The following SNX8 variants were observed in gnomAD, a reference collection of about 807,000 sequenced individuals.
SNX8 encodes sorting nexin 8.
In SNX8, 25 loss-of-function variants were observed where a neutral mutation model predicts 51.6. The ratio of observed to expected loss-of-function variants is 0.48; its 90% CI spans 0.35 to 0.68. SNX8 has a LOEUF of 0.68. SNX8 is among the 30% of genes least tolerant of loss of function. The pLI, the probability that SNX8 is intolerant of heterozygous loss-of-function variation, is 0.00. For synonymous variants in SNX8, 324 were observed against 277.0 expected (o/e 1.17, Z -1.68); for missense variants, 695 against 624.0 (o/e 1.11, Z -1.21).
At chr7:2,310,549 T>C (rs4721571) in intron 1 of SNX8, among the ~76,000 whole-genome samples, 59,364 of 151,962 alleles carry the variant, frequency 0.39, 13,516 homozygotes, top group African/African-American at 0.64. Context: ...AGGCAGATCA[T>C]GAGGTCAGGA....
intron 1 of SNX8, among the ~76,000 whole-genome samples, chr7:2,281,535 G>A (rs948629837): frequency 6.6e-6 from 1 of 152,102 alleles, no homozygotes; most frequent in Non-Finnish European, 1.5e-5. Flanking sequence ...GCTTTCTGCA[G>A]GAATAAACGT....
chr7:2,298,879 GA>G (rs1355086252), intron 1 of SNX8, among the ~76,000 whole-genome samples: 1 of 151,848 alleles, frequency 6.6e-6, no homozygotes, highest in Non-Finnish European at 1.5e-5. Flanking sequence ...TTTTGGTAGA[GA>G]CAGGGTTTCG....
chr7:2,253,770 C>G lies in SNX8; in HGVS notation c.*1286G>C, dbSNP rs1795102665. On this transcript the variant is annotated 3_prime_UTR_variant, in exon 11 of 11. Coordinates refer to ENST00000222990, the MANE Select transcript of SNX8 (RefSeq NM_013321.4). ...ACACACAGGAGTCCCCTCTCCATCC[C>G]ACGGCCGTGAGCTGCCCGTAGGTAC... The G allele has an allele frequency of 6.6e-6, 1 of 152,276 alleles. No individual in the cohort carries two copies. The highest frequency in any genetic ancestry group is 3.2e-3 in the Middle Eastern group (1 of 316). 9.4% of individuals were successfully genotyped at this position (152,276 alleles called of 1,614,324 possible).
At chr7:2,296,000 G>A (rs1796266309) in intron 1 of SNX8, among the ~76,000 whole-genome samples, 1 of 152,166 alleles carries the variant, frequency 6.6e-6, no homozygotes. Context: ...AGATTAACTT[G>A]AATCAGGTAA....
chr7:2,352,429 C>G (rs912573409), intron 1 of SNX8, among the ~76,000 whole-genome samples: 1 of 152,070 alleles, frequency 6.6e-6, no homozygotes, highest in African/African-American at 2.4e-5. Context: ...CACAGACACA[C>G]CACCAGACAC....
intron 2 of SNX8, among the ~76,000 whole-genome samples, chr7:2,276,811 G>T (rs1430648767): frequency 6.6e-6 from 1 of 152,220 alleles, no homozygotes; most frequent in Non-Finnish European, 1.5e-5. Context: ...CTGGTGTGGT[G>T]GCATCCGCCT....
chr7:2,293,191 G>A (rs1034800794), intron 1 of SNX8, among the ~76,000 whole-genome samples: 4 of 148,200 alleles, frequency 2.7e-5, no homozygotes, highest in African/African-American at 7.4e-5. Context: ...TCACATGAGC[G>A]CAGGTCTCCA....
At chr7:2,321,846 C>CT (rs1778520058) in intron 1 of SNX8, among the ~76,000 whole-genome samples, 1 of 151,416 alleles carries the variant, frequency 6.6e-6, no homozygotes, top group Non-Finnish European at 1.5e-5. Flanking sequence ...GCCTCAGCCT[C>CT]CCGAGTAGCT....
chr7:2,328,954 C>T (rs1274447563), intron 1 of SNX8, among the ~76,000 whole-genome samples: 12 of 152,138 alleles, frequency 7.9e-5, no homozygotes, highest in African/African-American at 2.9e-4. Flanking sequence ...GGCGTGTTGG[C>T]GGGTGCCTGT....
At position 2,296,761 on chromosome 7, in the gene SNX8, T is replaced by C. The variant is rs954054800; in HGVS notation, c.94+17567A>G. ...GCCTAGCCAACATGGTTAAACCCCATCTCTACAAAAATACAAAAATTAGCC... is the reference window on the plus strand; with the variant it reads ...GCCTAGCCAACATGGTTAAACCCCACCTCTACAAAAATACAAAAATTAGCC... On this transcript the variant is annotated intron_variant, in intron 1 of 10. Coordinates refer to ENST00000222990, the MANE Select transcript of SNX8 (RefSeq NM_013321.4). Among the ~76,000 whole-genome samples the C allele has an allele frequency of 2.6e-5, 4 of 151,558 alleles. 1 individual carries two copies. The highest frequency in any genetic ancestry group is 4.9e-5 in the African/African-American group (2 of 41,046).
intron 1 of SNX8, among the ~76,000 whole-genome samples, chr7:2,343,458 G>A (rs924806151): frequency 2.0e-5 from 3 of 151,370 alleles, no homozygotes; most frequent in Admixed American, 6.6e-5. Context: ...GGCGGATCAC[G>A]AGATCAGGAG....
At chr7:2,284,926 T>A (rs1192476933) in intron 1 of SNX8, among the ~76,000 whole-genome samples, 1 of 151,868 alleles carries the variant, frequency 6.6e-6, no homozygotes, top group Non-Finnish European at 1.5e-5. Context: ...AATTAAAACT[T>A]CTTGGCTGGG....
intron 1 of SNX8, among the ~76,000 whole-genome samples, chr7:2,286,391 A>T (rs1016188372): frequency 6.6e-6 from 1 of 152,172 alleles, no homozygotes; most frequent in African/African-American, 2.4e-5. Flanking sequence ...ACCTTATTTA[A>T]TGTGATGTAA....
intron 1 of SNX8, among the ~76,000 whole-genome samples, chr7:2,286,547 T>C (rs1796033422): frequency 6.6e-6 from 1 of 151,410 alleles, no homozygotes; most frequent in Non-Finnish European, 1.5e-5. Context: ...TAATGGAGTC[T>C]TGCTCTGTCG....
chr7:2,257,291 G>A, intron 9 of SNX8, 74 bp downstream of exon 9: 1 of 1,515,186 alleles, frequency 6.6e-7, no homozygotes, highest in Non-Finnish European at 8.8e-7. Flanking sequence ...GAGCCCACCA[G>A]GACGGCTCCG....
chr7:2,336,924 G>A (rs1023058512), intron 1 of SNX8, among the ~76,000 whole-genome samples: 4 of 151,434 alleles, frequency 2.6e-5, no homozygotes, highest in Non-Finnish European at 1.5e-5. Flanking sequence ...CATGAGAATC[G>A]CTTGAACCCA....
At chr7:2,261,685 A>G (rs1475460101) in intron 7 of SNX8, among the ~76,000 whole-genome samples, 1 of 152,214 alleles carries the variant, frequency 6.6e-6, no homozygotes, top group African/African-American at 2.4e-5. Flanking sequence ...CTCAGCCCCA[A>G]TCTACAGAAA....
chr7:2,275,025 G>T, intron 3 of SNX8, 87 bp downstream of exon 3: 1 of 909,630 alleles, frequency 1.1e-6, no homozygotes, highest in Non-Finnish European at 1.8e-6. Context: ...CCGGTCTACA[G>T]TGGGGTCCAT....
At chr7:2,265,366 T>A (rs1175879020) in intron 5 of SNX8, among the ~76,000 whole-genome samples, 3 of 152,086 alleles carry the variant, frequency 2.0e-5, no homozygotes, top group Non-Finnish European at 4.4e-5. Flanking sequence ...AATCTTTAGC[T>A]GGATACAGTG....
Sources: gnomAD v4.1 joint callset for allele counts (sites outside exome capture counted in the v4.1 genomes callset) on GRCh38, gnomAD v4.1.1 for gene constraint, MANE v1.5 for transcripts, NCBI Gene and HGNC (gene_info 2026-07-23, HGNC 2026-07-21) for gene names.